KCNN3: variants seen among roughly 807,000 people sequenced by gnomAD.
The protein encoded by KCNN3 is small conductance calcium-activated potassium channel protein 3.
In KCNN3, 16 loss-of-function variants were observed where a neutral mutation model predicts 62.9. The observed-to-expected ratio is 0.25, with a 90% CI of 0.17 to 0.39. The LOEUF (loss-of-function observed/expected upper bound fraction) is 0.39. Ranked by LOEUF, KCNN3 falls within the 10% of genes least tolerant of loss-of-function variation. The pLI is 1.00. For synonymous variants in KCNN3, 370 were observed against 389.2 expected, an observed-to-expected ratio of 0.95 and a Z score of 0.58; for missense variants, 599 against 949.4, an observed-to-expected ratio of 0.63 and a Z score of 4.85.
intron 1 of KCNN3, among the ~76,000 whole-genome samples, chr1:154,823,374 A>G (rs1650983549): frequency 6.6e-6 from 1 of 152,224 alleles, no homozygotes; most frequent in African/African-American, 2.4e-5. Flanking sequence ...TCCCTTCCTC[A>G]GGGAGCTGGT....
chr1:154,770,007 C>G (rs1276307127), intron 3 of KCNN3, among the ~76,000 whole-genome samples: 1 of 152,216 alleles, frequency 6.6e-6, no homozygotes, highest in Non-Finnish European at 1.5e-5. Flanking sequence ...AAGCGACCAG[C>G]ACAATGTTGC....
chr1:154,710,443 CA>C (rs1700051559), intron 7 of KCNN3, among the ~76,000 whole-genome samples: 3 of 151,960 alleles, frequency 2.0e-5, no homozygotes, highest in African/African-American at 7.3e-5. Flanking sequence ...CAGATCTCCC[CA>C]CGGGGGTTCT....
At chr1:154,719,302 G>C (rs762492772) in intron 5 of KCNN3, among the ~76,000 whole-genome samples, 2 of 152,168 alleles carry the variant, frequency 1.3e-5, no homozygotes, top group Non-Finnish European at 1.5e-5. Flanking sequence ...GCCGGTGGGT[G>C]TGATTTAAAT....
At chr1:154,817,600 C>T (rs1331239049) in intron 2 of KCNN3, among the ~76,000 whole-genome samples, 1 of 152,218 alleles carries the variant, frequency 6.6e-6, no homozygotes, top group Non-Finnish European at 1.5e-5. Context: ...TGATTTGCGC[C>T]AAGCTGGGCT....
At chr1:154,734,674 G>A (rs1700671856) in intron 3 of KCNN3, among the ~76,000 whole-genome samples, 1 of 152,224 alleles carries the variant, frequency 6.6e-6, no homozygotes, top group South Asian at 2.1e-4. Context: ...GTCAGAAAGG[G>A]ACAGGGCCAT....
At chr1:154,832,417 G>T (rs1460608211) in intron 1 of KCNN3, among the ~76,000 whole-genome samples, 1 of 151,872 alleles carries the variant, frequency 6.6e-6, no homozygotes, top group Non-Finnish European at 1.5e-5. Flanking sequence ...CCAGCCCCCA[G>T]ATCTGTCCTG....
At position 154,715,529 on chromosome 1, in the gene KCNN3, G is replaced by GTCTT. The variant is rs1024390345; in HGVS notation, c.1702-530_1702-527dup. 1.3e-3 allele frequency among the ~76,000 whole-genome samples: 199 copies of GTCTT among 151,494 alleles called. 1 individual carries two copies. Among genetic ancestry groups the GTCTT allele is most frequent in the South Asian group, 5.8e-3 (28 of 4,798 alleles). On this transcript the variant is annotated intron_variant, in intron 5 of 7. Transcript: ENST00000271915. ...GCAGACCAGAGCTTGAAGTTGGAGG[G>GTCTT]TCTTTCTTTCTTTCTTTCTCTTTCT...
In KCNN3 at chr1:154,809,736, A is replaced by C. The variant is rs545110961; in HGVS notation, c.1029+12353T>G. On this transcript the variant is annotated intron_variant, in intron 2 of 7. Transcript: ENST00000271915. The surrounding 1 kb of genome is among the most constrained non-coding windows in gnomAD (Gnocchi z 4.3). ...CGTAACAGAAGAAAATGAAAGGTAC[A>C]GTTCTCACCTAAAAAGCCAACGGTA... 3.3e-5 allele frequency among the ~76,000 whole-genome samples: 5 copies of C among 152,346 alleles called. No individual in the cohort carries two copies. In the South Asian group the frequency reaches 1.0e-3, roughly 32 times the overall value.
At chr1:154,709,649 G>A (rs1700033958) in intron 7 of KCNN3, among the ~76,000 whole-genome samples, 1 of 152,334 alleles carries the variant, frequency 6.6e-6, no homozygotes, top group Admixed American at 6.5e-5. Flanking sequence ...GTCACAAGGT[G>A]GCATGGAGAT....
chr1:154,869,243 T>C lies in KCNN3; in HGVS notation c.722A>G (p.His241Arg). The change falls in exon 1 of 8, where the codon CAC becomes CGC. Residue 241 changes from histidine to arginine, a missense_variant. By Grantham distance (29) the His-to-Arg change is conservative. This residue lies in a region of KCNN3 where 80 missense variants were observed against 85.4 expected (regional missense o/e 0.94). Transcript: ENST00000271915. The surrounding 1 kb of genome is among the most constrained non-coding windows in gnomAD (Gnocchi z 6.1). ...GGTGGTGCCGGCATGCTGGTGGTTG[T>C]GGGTGGCATTAGGGTGATGGAGCAG... ...QTLLHHPNAT[H>R]NHQHAGTTAS... 6.2e-7 allele frequency: 1 copy of C among 1,613,232 alleles called. No individual in the cohort carries two copies. Among genetic ancestry groups the C allele is most frequent in the South Asian group, 1.1e-5 (1 of 91,008 alleles).
intron 2 of KCNN3, among the ~76,000 whole-genome samples, chr1:154,780,194 C>CTTTTTTTTTT (rs71077969): frequency 5.0e-4 from 51 of 102,046 alleles, no homozygotes; most frequent in South Asian, 1.1e-3. Flanking sequence ...TTCTTTTTTT[C>CTTTTTTTTTT]TTTTTTTTTT....
At chr1:154,723,353 C>A (rs1382482239) in intron 5 of KCNN3, among the ~76,000 whole-genome samples, 1 of 152,162 alleles carries the variant, frequency 6.6e-6, no homozygotes, top group Non-Finnish European at 1.5e-5. Flanking sequence ...TTTAAGTGTT[C>A]TCAGAAAAGT....
At chr1:154,769,269 G>A (rs1191728118) in intron 3 of KCNN3, among the ~76,000 whole-genome samples, 1 of 152,190 alleles carries the variant, frequency 6.6e-6, no homozygotes, top group Non-Finnish European at 1.5e-5. Flanking sequence ...GCACAGGGGT[G>A]CAACAATAAC....
chr1:154,813,110 A>T (rs1018684635), intron 2 of KCNN3, among the ~76,000 whole-genome samples: 10 of 152,096 alleles, frequency 6.6e-5, no homozygotes, highest in African/African-American at 1.7e-4. Flanking sequence ...ACAAGTGATC[A>T]GCATCCCAGA....
rs1177950180 is a variant in KCNN3 at position 154,855,242 on chromosome 1, T to TAAAC, written c.933+13789_933+13790insGTTT. On this transcript the variant is annotated intron_variant, in intron 1 of 7. Transcript: ENST00000271915. Reference sequence around the variant, plus strand: ...CAAAATAAATAAATAAATAAATAAATAAATAAAATTATAGTAAGGTAAGGT... The same window carrying TAAAC: ...CAAAATAAATAAATAAATAAATAAATAAACAAATAAAATTATAGTAAGGTAAGGT... Among the ~76,000 whole-genome samples the TAAAC allele has an allele frequency of 1.1e-3, 164 of 151,718 alleles. 1 individual carries two copies. Among genetic ancestry groups the TAAAC allele is most frequent in the African/African-American group, 3.8e-3 (158 of 41,350 alleles).
chr1:154,805,548 C>T (rs1571294425), intron 2 of KCNN3, among the ~76,000 whole-genome samples: 1 of 152,166 alleles, frequency 6.6e-6, no homozygotes, highest in Non-Finnish European at 1.5e-5. Context: ...TGAACTAAAA[C>T]GGTGTGTGGG....
intron 1 of KCNN3, among the ~76,000 whole-genome samples, chr1:154,841,021 CTG>C (rs1651802058): frequency 2.0e-5 from 3 of 151,734 alleles, no homozygotes; most frequent in Non-Finnish European, 4.4e-5. Flanking sequence ...AGGCCTGCCC[CTG>C]CGGGGTCAGG....
intron 2 of KCNN3, among the ~76,000 whole-genome samples, chr1:154,816,583 C>T (rs539115536): frequency 6.6e-6 from 1 of 152,164 alleles, no homozygotes; most frequent in African/African-American, 2.4e-5. Flanking sequence ...GTCTGCACCC[C>T]ACCCCTTATT....
At chr1:154,807,585 G>C (rs1650228424) in intron 2 of KCNN3, among the ~76,000 whole-genome samples, 1 of 152,220 alleles carries the variant, frequency 6.6e-6, no homozygotes, top group Non-Finnish European at 1.5e-5. Flanking sequence ...TAAACTCCCT[G>C]CCTGGGGGAG....
Sources: allele counts gnomAD v4.1 joint callset (sites outside exome capture counted in the v4.1 genomes callset), GRCh38; gene constraint gnomAD v4.1.1; regional missense constraint gnomAD v4.1.1; non-coding constraint Gnocchi (gnomAD v3.1); transcripts MANE v1.5; gene names NCBI Gene and HGNC (gene_info 2026-07-23, HGNC 2026-07-21).